NFIB: variants seen among roughly 807,000 people sequenced by gnomAD.
The protein encoded by NFIB is nuclear factor I B, also known as nuclear factor 1 B-type.
A neutral mutation model predicts 61.5 loss-of-function variants in NFIB; 11 were observed. The ratio of observed to expected loss-of-function variants is 0.18; its 90% CI spans 0.11 to 0.30. The LOEUF (loss-of-function observed/expected upper bound fraction) is 0.30. Among genes scored for constraint, NFIB ranks in the 10% least tolerant of loss-of-function variants. The pLI, the probability that NFIB is intolerant of heterozygous loss-of-function variation, is 1.00. For synonymous variants in NFIB, 260 were observed against 216.5 expected (o/e 1.20, Z -1.76); for missense variants, 471 against 608.9 (o/e 0.77, Z 2.38).
chr9:14,090,684 G>A (rs7863702), intron 10 of NFIB, among the ~76,000 whole-genome samples: 9,362 of 152,090 alleles, frequency 0.062, 929 homozygotes, highest in African/African-American at 0.21. Flanking sequence ...ACTAGGTAAA[G>A]CAGATAATCC....
chr9:14,438,808 G>A, the NFIB span, among the ~76,000 whole-genome samples: 1 of 152,128 alleles, frequency 6.6e-6, no homozygotes, highest in Non-Finnish European at 1.5e-5. Context: ...GAGAACAGCT[G>A]AAGGCCTGGG....
At chr9:14,492,302 G>A in the NFIB span, among the ~76,000 whole-genome samples, 3 of 151,972 alleles carry the variant, frequency 2.0e-5, no homozygotes, top group Admixed American at 6.6e-5. Context: ...GGCGGAGCTT[G>A]CAGTGAGCCG....
chr9:14,483,648 G>A, the NFIB span, among the ~76,000 whole-genome samples: 2 of 152,268 alleles, frequency 1.3e-5, no homozygotes, highest in Non-Finnish European at 2.9e-5. Flanking sequence ...AATTCTTAGC[G>A]CAGTACCCGG....
At chr9:14,342,288 A>G (rs1489391230) in intron 1 of NFIB, among the ~76,000 whole-genome samples, 4 of 152,192 alleles carry the variant, frequency 2.6e-5, no homozygotes, top group Admixed American at 6.5e-5. Context: ...GTAGACTACT[A>G]TAGGGTCTGC....
chr9:14,375,402 A>G (rs1315506563), intron 1 of NFIB, among the ~76,000 whole-genome samples: 1 of 152,208 alleles, frequency 6.6e-6, no homozygotes. Context: ...TCATGCCTGT[A>G]ATCCCAGCAC....
the NFIB span, among the ~76,000 whole-genome samples, chr9:14,411,377 C>T: frequency 3.3e-5 from 5 of 152,238 alleles, no homozygotes; most frequent in Admixed American, 3.3e-4. Context: ...AGGTCTTAGT[C>T]GAGTTCAGAT....
the NFIB span, among the ~76,000 whole-genome samples, chr9:14,515,649 T>C: frequency 6.6e-5 from 10 of 152,294 alleles, no homozygotes; most frequent in East Asian, 1.9e-3. Context: ...ATTATGCCTC[T>C]GAACGTCTGA....
chr9:14,211,398 T>C (rs925867440), intron 2 of NFIB, among the ~76,000 whole-genome samples: 1 of 152,160 alleles, frequency 6.6e-6, no homozygotes, highest in Admixed American at 6.5e-5. Context: ...AAACAGGATA[T>C]AGGGAATACA....
intron 6 of NFIB, among the ~76,000 whole-genome samples, chr9:14,135,791 T>C (rs947152185): frequency 6.6e-6 from 1 of 152,216 alleles, no homozygotes; most frequent in Non-Finnish European, 1.5e-5. Flanking sequence ...TTTTTTAAAT[T>C]TATGAAATCA....
At chr9:14,137,464 G>T (rs978933337) in intron 6 of NFIB, among the ~76,000 whole-genome samples, 1 of 152,158 alleles carries the variant, frequency 6.6e-6, no homozygotes, top group African/African-American at 2.4e-5. Context: ...GTTAATGACG[G>T]CTTTGGAAAG....
intron 1 of NFIB, among the ~76,000 whole-genome samples, chr9:14,345,058 G>A (rs971002457): frequency 2.0e-5 from 3 of 152,134 alleles, no homozygotes; most frequent in Admixed American, 6.5e-5. Flanking sequence ...CTGGGAGTCC[G>A]TCTTGGGCCA....
chr9:14,244,476 GAATT>G (rs1487270417), intron 2 of NFIB, among the ~76,000 whole-genome samples: 1 of 152,110 alleles, frequency 6.6e-6, no homozygotes, highest in African/African-American at 2.4e-5. Context: ...AAGCAGGAAA[GAATT>G]ACATTTCTTC....
rs116143853 is a variant in NFIB, at chr9:14,247,608, C to A, written c.562+59381G>T. Among the ~76,000 whole-genome samples the A allele has an allele frequency of 2.4e-3, 359 of 152,346 alleles. 2 individuals are homozygous for A. Among genetic ancestry groups the A allele is most frequent in the African/African-American group, 8.3e-3 (346 of 41,596 alleles). On this transcript the variant is annotated intron_variant, in intron 2 of 10. Coordinates refer to ENST00000380953, the MANE Select transcript of NFIB (RefSeq NM_001190737.2). ...TCAAGCATCCAAAGGCCACCGCCAC[C>A]ACTGACTAGCTGAAAAACCATGAAA... is the stretch of plus-strand genomic sequence containing the variant.
intron 2 of NFIB, among the ~76,000 whole-genome samples, chr9:14,281,757 G>A (rs2058382878): frequency 6.6e-6 from 1 of 152,102 alleles, no homozygotes; most frequent in South Asian, 2.1e-4. Flanking sequence ...GGGCATGTCA[G>A]GTCACTTATG....
chr9:14,507,758 C>T, the NFIB span, among the ~76,000 whole-genome samples: 1 of 152,154 alleles, frequency 6.6e-6, no homozygotes, highest in South Asian at 2.1e-4. Flanking sequence ...TGCTGAAACT[C>T]ACTCTTTGAT....
At chr9:14,391,924 C>T (rs78063066) in intron 1 of NFIB, among the ~76,000 whole-genome samples, 5,436 of 152,218 alleles carry the variant, frequency 0.036, 274 homozygotes, top group African/African-American at 0.11. Flanking sequence ...CTCCCTCTGC[C>T]TTATACCTAC....
chr9:14,102,556 C>T, intron 10 of NFIB: 2 of 1,485,554 alleles, frequency 1.3e-6, no homozygotes, highest in Middle Eastern at 1.7e-4. Flanking sequence ...AGCAGTACTA[C>T]AGTTTTTAGT....
the NFIB span, among the ~76,000 whole-genome samples, chr9:14,525,567 G>A: frequency 3.9e-5 from 6 of 152,172 alleles, no homozygotes; most frequent in East Asian, 3.9e-4. Flanking sequence ...GAGGCCCTCC[G>A]TAGTCATTGG....
At chr9:14,204,281 G>A (rs1021794759) in intron 2 of NFIB, 2 of 666,452 alleles carry the variant, frequency 3.0e-6, no homozygotes, top group East Asian at 2.7e-5. Flanking sequence ...GGGGAAGAAG[G>A]TGGCTCCGGC....
Sources: allele counts gnomAD v4.1 joint callset (sites outside exome capture counted in the v4.1 genomes callset), GRCh38; gene constraint gnomAD v4.1.1; transcripts MANE v1.5; gene names NCBI Gene and HGNC (gene_info 2026-07-23, HGNC 2026-07-21).